MAP4: variants seen among roughly 807,000 people sequenced by gnomAD.
The protein encoded by MAP4 is microtubule-associated protein 4.
In MAP4, 76 loss-of-function variants were observed where a neutral mutation model predicts 170.2. The observed-to-expected ratio is 0.45, with a 90% CI of 0.37 to 0.54. The LOEUF is 0.54. MAP4 is among the 20% of genes least tolerant of loss of function. The probability of loss-of-function intolerance (pLI) is 0.00; values close to 1 mark genes in which losing one functional copy is unlikely to be tolerated. For missense variants in MAP4, 2,506 were observed against 2,748.0 expected, an observed-to-expected ratio of 0.91 and a Z score of 1.97; for synonymous variants, 909 against 994.5, an observed-to-expected ratio of 0.91 and a Z score of 1.62.
intron 1 of MAP4, among the ~76,000 whole-genome samples, chr3:48,024,310 T>TA (rs1195454935): frequency 1.4e-4 from 21 of 151,788 alleles, no homozygotes; most frequent in African/African-American, 2.7e-4. Context: ...ACTCTGTCTT[T>TA]AAAAAAAATA....
At chr3:47,935,939 CAAAAAA>C (rs74405606) in intron 3 of MAP4, among the ~76,000 whole-genome samples, 8 of 59,280 alleles carry the variant, frequency 1.3e-4, no homozygotes, top group African/African-American at 3.8e-4. Flanking sequence ...ACTTAGTCTC[CAAAAAA>C]AAAAAAAAAA....
intron 1 of MAP4, among the ~76,000 whole-genome samples, chr3:48,078,761 T>A (rs940630904): frequency 6.6e-6 from 1 of 152,148 alleles, no homozygotes; most frequent in Non-Finnish European, 1.5e-5. Context: ...AAATATGTTC[T>A]TCCCATAAGA....
At position 48,074,725 on chromosome 3, in the gene MAP4, T is replaced by TGTGTGTGTGTGTGTGA. The variant is rs756153345; in HGVS notation, c.-20+14047_-20+14048insTCACACACACACACAC. ...GTGTGTGTGTGTGTGTGTGTGTGTG[T>TGTGTGTGTGTGTGTGA]GATATGTCGGCCAGACTGGTCTCGA... On this transcript the variant is annotated intron_variant, in intron 1 of 18. Transcript: ENST00000360240. Among the ~76,000 whole-genome samples, 325 of 147,344 alleles carry TGTGTGTGTGTGTGTGA rather than the reference T, an allele frequency of 2.2e-3. 7 individuals carry two copies. The highest frequency in any genetic ancestry group is 5.5e-3 in the African/African-American group (218 of 39,288).
In MAP4 at chr3:47,852,831, G is replaced by T; in HGVS notation, c.*103C>A. 6.4e-7 allele frequency: 1 copy of T among 1,552,556 alleles called. No homozygotes were observed. Among genetic ancestry groups the T allele is most frequent in the South Asian group, 1.2e-5 (1 of 84,660 alleles). ...GGGAAAGGGGGCCAAGGACCCGGGA[G>T]CCCGAGTTGGGGCCGCCAGGGAAGT... On this transcript the variant is annotated 3_prime_UTR_variant, in exon 21 of 21. Transcript: ENST00000683076.
At chr3:47,871,820 C>T in intron 13 of MAP4, 97 bp downstream of exon 13, 1 of 1,223,908 alleles carries the variant, frequency 8.2e-7, no homozygotes, top group South Asian at 1.4e-5. Context: ...CAGGCCTGCA[C>T]AGCTGTTTGT....
intron 10 of MAP4, among the ~76,000 whole-genome samples, chr3:47,883,686 C>CT (rs1338300217): frequency 7.9e-5 from 12 of 152,208 alleles, no homozygotes; most frequent in Admixed American, 7.2e-4. Context: ...CTAAAAATGT[C>CT]TTTTTTATTT....
chr3:47,906,434 A>G lies in MAP4; in HGVS notation c.5383+2604T>C, dbSNP rs1366850971. ...CGGTGGCTCAACACCTGTAATTCCA[A>G]CACTTTGGGGAGGCTGAGGCAGACA... is the stretch of plus-strand genomic sequence containing the variant. On this transcript the variant is annotated intron_variant, in intron 9 of 20. Transcript: ENST00000683076. 1.3e-5 allele frequency among the ~76,000 whole-genome samples: 2 copies of G among 152,094 alleles called. 1 individual carries two copies. Among genetic ancestry groups the G allele is most frequent in the African/African-American group, 4.8e-5 (2 of 41,412 alleles).
intron 10 of MAP4, among the ~76,000 whole-genome samples, chr3:47,882,405 T>C (rs144188241): frequency 2.6e-5 from 4 of 152,240 alleles, no homozygotes; most frequent in Non-Finnish European, 4.4e-5. Context: ...TGCCTTCCTG[T>C]TGGTTACCTG....
intron 3 of MAP4, among the ~76,000 whole-genome samples, chr3:47,966,477 G>A (rs2100075117): frequency 1.3e-5 from 2 of 151,830 alleles, no homozygotes; most frequent in South Asian, 4.2e-4. Context: ...TCGATCTCCT[G>A]ACCTCATGAT....
At chr3:47,968,838 T>C (rs1305599186) in intron 3 of MAP4, among the ~76,000 whole-genome samples, 1 of 152,030 alleles carries the variant, frequency 6.6e-6, no homozygotes, top group African/African-American at 2.4e-5. Context: ...ATTGACAAAC[T>C]TTTAACTACA....
rs534922384 is a variant in MAP4 at position 47,909,706 on chromosome 3, T to G, written c.4715A>C (p.Lys1572Thr). Reference protein sequence around the residue: ...HSVEKVTELAKGHLLPGVPVE... With the variant: ...HSVEKVTELATGHLLPGVPVE... ...TGGCACTCCAGGAAGGAGGTGACCT[T>G]TTGCTAGCTCTGTGACTTTCTCTAC... is the stretch of plus-strand genomic sequence containing the variant. The change falls in exon 9 of 21, where the codon AAA becomes ACA. Residue 1572 changes from lysine to threonine, a missense_variant. Lys to Thr is a moderately conservative substitution (Grantham distance 78). Transcript: ENST00000683076. 96 of 1,613,990 alleles carry G rather than the reference T, an allele frequency of 5.9e-5. No homozygotes were observed. The South Asian group carries it at 9.6e-4, about 16-fold the overall frequency.
At chr3:48,055,493 C>G (rs1364075896) in intron 1 of MAP4, among the ~76,000 whole-genome samples, 18 of 148,694 alleles carry the variant, frequency 1.2e-4, no homozygotes, top group Non-Finnish European at 4.5e-5. Flanking sequence ...GACGGAGTCT[C>G]GTTCACTCAG....
rs535510863 is a variant in MAP4, at chr3:47,976,553, T to A, written c.292+1312A>T. 8.9e-4 allele frequency among the ~76,000 whole-genome samples: 136 copies of A among 152,230 alleles called. 1 individual carries two copies. Among genetic ancestry groups the A allele is most frequent in the Non-Finnish European group, 1.4e-3 (92 of 68,042 alleles). ...TTTTTTAAAAGTTCATGTTCAAACTTCTCCTTTAATCACAGGGATATTTGC... is the reference window on the plus strand; with the variant it reads ...TTTTTTAAAAGTTCATGTTCAAACTACTCCTTTAATCACAGGGATATTTGC... On this transcript the variant is annotated intron_variant, in intron 3 of 20. Coordinates refer to ENST00000683076, the MANE Select transcript of MAP4 (RefSeq NM_001385682.1).
intron 3 of MAP4, among the ~76,000 whole-genome samples, chr3:47,940,483 T>C (rs2100055571): frequency 1.3e-5 from 2 of 152,168 alleles, no homozygotes; most frequent in Admixed American, 6.5e-5. Context: ...CATAATGCAG[T>C]AGAAAAAATA....
intron 10 of MAP4, among the ~76,000 whole-genome samples, chr3:47,897,176 G>C (rs953349437): frequency 5.3e-5 from 8 of 152,156 alleles, no homozygotes; most frequent in African/African-American, 1.7e-4. Flanking sequence ...GCCCAGGCTG[G>C]AGTGCAGTGG....
chr3:47,920,233 A>G (rs1321107039), intron 5 of MAP4, among the ~76,000 whole-genome samples: 2 of 152,112 alleles, frequency 1.3e-5, no homozygotes, highest in African/African-American at 4.8e-5. Context: ...CGTCTCCCAA[A>G]GTGCTGGGAT....
intron 10 of MAP4, chr3:47,891,792 G>A (rs1160976283): frequency 6.5e-7 from 1 of 1,536,328 alleles, no homozygotes; most frequent in African/African-American, 1.4e-5. Context: ...AGAGACACCA[G>A]GAGTGGGGAC....
At chr3:47,877,350 A>G (rs764725181) in intron 11 of MAP4, 67 bp downstream of exon 11, 3 of 1,197,942 alleles carry the variant, frequency 2.5e-6, no homozygotes, top group South Asian at 1.2e-5. Context: ...GATTCAAGCA[A>G]TAACAGCAGA....
intron 1 of MAP4, among the ~76,000 whole-genome samples, chr3:48,005,053 G>A (rs2100101434): frequency 6.6e-6 from 1 of 152,132 alleles, no homozygotes; most frequent in African/African-American, 2.4e-5. Flanking sequence ...AGGAGGAGGT[G>A]CGCTACACTC....
Sources: allele counts gnomAD v4.1 joint callset (sites outside exome capture counted in the v4.1 genomes callset), GRCh38; gene constraint gnomAD v4.1.1; transcripts MANE v1.5; gene names NCBI Gene and HGNC (gene_info 2026-07-23, HGNC 2026-07-21).